CACFD1: variants seen among roughly 807,000 people sequenced by gnomAD.
CACFD1 encodes the protein calcium channel flower homolog.
CACFD1 carries 26 observed loss-of-function variants against 21.3 expected under a neutral mutation model. The ratio of observed to expected loss-of-function variants is 1.22; its 90% CI spans 0.89 to 1.69. The LOEUF is 1.69. Among genes scored for constraint, CACFD1 ranks in the 40% most tolerant of loss-of-function variants. CACFD1 has a pLI of 0.00. For missense variants in CACFD1, 265 were observed against 236.2 expected (o/e 1.12, Z -0.80); for synonymous variants, 121 against 106.6 (o/e 1.13, Z -0.83).
chr9:133,463,383 C>T (rs1588225694), intron 1 of CACFD1, 100 bp from the exon 2 acceptor site: 7 of 1,593,232 alleles, frequency 4.4e-6, no homozygotes, highest in South Asian at 3.4e-5. Context: ...GCTGAGCATC[C>T]GCAGAGACTC....
Position 133,468,811 on chromosome 9 carries a change from C to T in CACFD1, c.*158C>T. Reference sequence around the variant, plus strand: ...CTCCTTTCTCCAGACTGGCTTAAGCCAGGAGCCACTGGCTGCTGGTGTGAG... The same window carrying T: ...CTCCTTTCTCCAGACTGGCTTAAGCTAGGAGCCACTGGCTGCTGGTGTGAG... On this transcript the variant is annotated 3_prime_UTR_variant, in exon 5 of 5. Coordinates refer to ENST00000316948, the MANE Select transcript of CACFD1 (RefSeq NM_017586.5). 1 of 1,312,732 alleles carries T rather than the reference C, an allele frequency of 7.6e-7. No individual in the cohort carries two copies. Among genetic ancestry groups the T allele is most frequent in the South Asian group, 1.5e-5 (1 of 64,580 alleles). The allele number at this position is 1,312,732 out of a possible 1,614,324, so 81.3% of individuals were successfully genotyped here.
rs1439666298 is a variant in CACFD1, at chr9:133,465,308, C to T, written c.195-14C>T. On this transcript the variant is annotated splice_polypyrimidine_tract_variant and intron_variant, in intron 2 of 4. Coordinates refer to ENST00000316948, the MANE Select transcript of CACFD1 (RefSeq NM_017586.5). This position sits in a 1 kb window ranked among gnomAD's most constrained non-coding sequence, Gnocchi z 5.0. ...TTGTCAGTCGCTGCTCTTCTCCTGC[C>T]CTGGTCCCTGCAGCATGAATGCCTT... is the stretch of plus-strand genomic sequence containing the variant. The T allele has an allele frequency of 6.2e-7, 1 of 1,613,660 alleles. No individual in the cohort carries two copies. Among genetic ancestry groups the T allele is most frequent in the Non-Finnish European group, 8.5e-7 (1 of 1,179,948 alleles).
At chr9:133,466,960 T>C (rs1385414260) in intron 3 of CACFD1, among the ~76,000 whole-genome samples, 1 of 152,236 alleles carries the variant, frequency 6.6e-6, no homozygotes, top group Non-Finnish European at 1.5e-5. Flanking sequence ...GCAACTATTT[T>C]TCCAGGCTCT....
intron 3 of CACFD1, 39 bp from the exon 4 acceptor site, chr9:133,467,882 G>A: frequency 1.4e-6 from 2 of 1,446,842 alleles, no homozygotes; most frequent in Non-Finnish European, 1.9e-6. Flanking sequence ...TGGTGGCTGT[G>A]GGGCCGGAGT....
chr9:133,468,254 A>G, intron 4 of CACFD1: 3 of 1,444,968 alleles, frequency 2.1e-6, no homozygotes, highest in Non-Finnish European at 2.8e-6. Context: ...TGCAGCAAGG[A>G]TAGCAAAAAC....
At chr9:133,467,841 C>A in intron 3 of CACFD1, 80 bp from the exon 4 acceptor site, 1 of 1,039,254 alleles carries the variant, frequency 9.6e-7, no homozygotes, top group Non-Finnish European at 1.5e-6. Flanking sequence ...AGGAAGGATG[C>A]TGGGCCGAGT....
At chr9:133,462,114 G>A in intron 1 of CACFD1, 1 of 1,303,554 alleles carries the variant, frequency 7.7e-7, no homozygotes, top group Non-Finnish European at 1.0e-6. Context: ...GGTCTGGCTT[G>A]ACACCTGGTC....
intron 1 of CACFD1, chr9:133,462,059 T>A: frequency 7.7e-7 from 1 of 1,293,530 alleles, no homozygotes; most frequent in South Asian, 1.2e-5. Flanking sequence ...CAAGTGGACA[T>A]CCTCCAGCCC....
intron 1 of CACFD1, among the ~76,000 whole-genome samples, chr9:133,460,471 C>CGGGGGGGGCGGCGGG (rs1554798194): frequency 1.6e-5 from 2 of 125,818 alleles, no homozygotes; most frequent in East Asian, 4.4e-4. Flanking sequence ...GGCGGGGGGG[C>CGGGGGGGGCGGCGGG]GGCGGGGGCG....
In CACFD1 at chr9:133,467,431, G is replaced by A. The variant is rs1843481918; in HGVS notation, c.321-490G>A. Among the ~76,000 whole-genome samples the A allele has an allele frequency of 3.3e-5, 5 of 152,328 alleles. No individual in the cohort carries two copies. The South Asian group carries it at 1.0e-3, about 32-fold the overall frequency. On this transcript the variant is annotated intron_variant, in intron 3 of 4. Transcript: ENST00000316948. ...GAATTCCAGGGACCTTACTTGTGGC[G>A]ATGTGGCTGGTGTTACTCTATAACT... is the stretch of plus-strand genomic sequence containing the variant.
chr9:133,464,477 G>A (rs987305667), intron 2 of CACFD1, among the ~76,000 whole-genome samples: 3 of 152,122 alleles, frequency 2.0e-5, no homozygotes, highest in Non-Finnish European at 4.4e-5. Flanking sequence ...GGCTCGGGGC[G>A]GGTGCAGTGG....
Position 133,467,992 on chromosome 9 carries a change from C to T in CACFD1, c.392C>T (p.Thr131Met), listed in dbSNP as rs781883688. Residue 131 changes from threonine to methionine, a missense_variant, in exon 4 of 5, where the codon ACG (threonine) becomes ATG (methionine). Physicochemically the swap from Thr to Met is moderately conservative, Grantham distance 81. Transcript: ENST00000316948. ...CTGGGCAACGCCATCGCCTTTGCTA[C>T]GGGGGTGCTGTACGGACTCTCTGCT... is the stretch of plus-strand genomic sequence containing the variant. ...TLLGNAIAFATGVLYGLSALG... is the reference protein window; with the variant it reads ...TLLGNAIAFAMGVLYGLSALG... 2.3e-5 allele frequency: 37 copies of T among 1,613,920 alleles called. No homozygotes were observed. The South Asian group carries it at 2.9e-4, about 12-fold the overall frequency.
chr9:133,470,463 G>C lies in CACFD1; in HGVS notation c.*1810G>C, dbSNP rs782454764. ...TCAAGGAAGGCTGCCCCTGTACCCTGTGGGGAAATGGTGGGTGCATGGCTG... is the reference window on the plus strand; with the variant it reads ...TCAAGGAAGGCTGCCCCTGTACCCTCTGGGGAAATGGTGGGTGCATGGCTG... On this transcript the variant is annotated 3_prime_UTR_variant, in exon 5 of 5. Coordinates refer to ENST00000316948, the MANE Select transcript of CACFD1 (RefSeq NM_017586.5). 1.3e-5 allele frequency: 2 copies of C among 152,424 alleles called. No individual in the cohort carries two copies. The highest frequency in any genetic ancestry group is 2.9e-5 in the Non-Finnish European group (2 of 68,204). The allele number at this position is 152,424 out of a possible 1,614,324, so 9.4% of individuals were successfully genotyped here. A position where few individuals can be genotyped will look rare whatever the true frequency, so the allele number is the denominator to read the frequency against.
rs36075119 is a variant in CACFD1, at chr9:133,470,189, CTGTGTGTGTGTGTGTGTGTGTGTGTGTG to C, written c.*1546_*1573del. 1 of 149,640 alleles carries C rather than the reference CTGTGTGTGTGTGTGTGTGTGTGTGTGTG, an allele frequency of 6.7e-6. No homozygotes were observed. The highest frequency in any genetic ancestry group is 6.7e-5 in the Admixed American group (1 of 15,000). The allele number at this position is 149,640 out of a possible 1,614,324, so 9.3% of individuals were successfully genotyped here. On this transcript the variant is annotated 3_prime_UTR_variant, in exon 5 of 5. Coordinates refer to ENST00000316948, the MANE Select transcript of CACFD1 (RefSeq NM_017586.5). Reference sequence around the variant, plus strand: ...TCAGGCCAGTGCTGGGTTCAAAGGGCTGTGTGTGTGTGTGTGTGTGTGTGTGTGTGTGTGTGTATGTATATGTGTGTGG... The same window carrying C: ...TCAGGCCAGTGCTGGGTTCAAAGGGCTGTGTGTGTATGTATATGTGTGTGG...
chr9:133,468,406 G>A (rs1554800035), intron 4 of CACFD1, 157 bp from the exon 5 acceptor site: 2 of 1,535,998 alleles, frequency 1.3e-6, no homozygotes, highest in East Asian at 4.9e-5. Flanking sequence ...TCTCAGAGGG[G>A]ACAAGACAGG....
intron 4 of CACFD1, 173 bp downstream of exon 4, chr9:133,468,201 C>G (rs1843519919): frequency 8.6e-7 from 1 of 1,167,556 alleles, no homozygotes; most frequent in Admixed American, 2.5e-5. Flanking sequence ...AGACAGAGGA[C>G]TTACAACACT....
intron 1 of CACFD1, among the ~76,000 whole-genome samples, chr9:133,460,919 A>C (rs958559601): frequency 1.3e-5 from 2 of 152,202 alleles, no homozygotes; most frequent in African/African-American, 4.8e-5. Context: ...TTAGGCTGCC[A>C]GGGAAGCTAG....
rs1554799339 is a variant in CACFD1, at chr9:133,465,403, G to A, written c.276G>A (p.Lys92=). Residue 92 remains lysine (K), a synonymous_variant, in exon 3 of 5, where the codon AAG becomes AAA. Coordinates refer to ENST00000316948, the MANE Select transcript of CACFD1 (RefSeq NM_017586.5). This position sits in a 1 kb window ranked among gnomAD's most constrained non-coding sequence, Gnocchi z 5.0. ...AGTTTGCAAACACAGTGGCGGAGAA[G>A]GTGGACCGGCTGCGCTCCTGGCAGA... The part of the protein sequence containing the change: ...FIEFANTVAE[K]VDRLRSWQKA... The A allele has an allele frequency of 6.2e-7, 1 of 1,614,004 alleles. No individual in the cohort carries two copies. The highest frequency in any genetic ancestry group is 1.7e-4 in the Middle Eastern group (1 of 6,052).
At chr9:133,467,303 C>A (rs915742021) in intron 3 of CACFD1, among the ~76,000 whole-genome samples, 3 of 152,202 alleles carry the variant, frequency 2.0e-5, no homozygotes, top group African/African-American at 7.2e-5. Context: ...CCCCAGTGGA[C>A]CCTGCCACCA....
Sources: gnomAD v4.1 joint callset for allele counts (sites outside exome capture counted in the v4.1 genomes callset) on GRCh38, gnomAD v4.1.1 for gene constraint, Gnocchi (gnomAD v3.1) non-coding constraint, MANE v1.5 for transcripts, NCBI Gene and HGNC (gene_info 2026-07-23, HGNC 2026-07-21) for gene names.